The following GPC6 variants were observed in gnomAD, a reference collection of about 807,000 sequenced individuals.
GPC6 encodes glypican-6.
In GPC6, 14 loss-of-function variants were observed where a neutral mutation model predicts 55.2. The observed-to-expected ratio is 0.25, with a 90% confidence interval of 0.17 to 0.40. The LOEUF (loss-of-function observed/expected upper bound fraction) is 0.40, where lower values mean the gene tolerates loss of function less well. Among genes scored for constraint, GPC6 ranks in the 10% least tolerant of loss-of-function variants. The pLI, the probability that GPC6 is intolerant of heterozygous loss-of-function variation, is 1.00. For synonymous variants in GPC6, 278 were observed against 259.6 expected (o/e 1.07, Z -0.68); for missense variants, 641 against 708.5 (o/e 0.90, Z 1.08).
At chr13:94,058,600 G>T (rs1195322017) in intron 4 of GPC6, among the ~76,000 whole-genome samples, 1 of 152,132 alleles carries the variant, frequency 6.6e-6, no homozygotes, top group Non-Finnish European at 1.5e-5. Flanking sequence ...TAGCAAATAG[G>T]AATAAAACCA....
chr13:94,066,511 T>G (rs1288351415), intron 4 of GPC6, among the ~76,000 whole-genome samples: 2 of 152,192 alleles, frequency 1.3e-5, no homozygotes, highest in African/African-American at 4.8e-5. Flanking sequence ...TTGTATCATT[T>G]TGTACATCAA....
intron 2 of GPC6, among the ~76,000 whole-genome samples, chr13:93,578,643 GT>G (rs113534301): frequency 0.066 from 9,423 of 142,012 alleles, 917 homozygotes; most frequent in African/African-American, 0.21. Flanking sequence ...CATTTGTTTT[GT>G]TTTTTTTTTC....
Position 93,722,032 on chromosome 13 carries a change from A to G in GPC6, c.320-108122A>G, listed in dbSNP as rs779734276. 9.9e-5 allele frequency among the ~76,000 whole-genome samples: 15 copies of G among 151,922 alleles called. 1 individual carries two copies. The highest frequency in any genetic ancestry group is 6.8e-3 in the Middle Eastern group (2 of 294). On this transcript the variant is annotated intron_variant, in intron 2 of 8. Coordinates refer to ENST00000377047, the MANE Select transcript of GPC6 (RefSeq NM_005708.5). The stretch of plus-strand genomic sequence containing the variant: ...ATTATTCAGTGTCTTGGAATTTTTG[A>G]CAATATACAGCAGATAAATGATTTT...
intron 1 of GPC6, among the ~76,000 whole-genome samples, chr13:93,437,421 G>A (rs1877613500): frequency 6.6e-6 from 1 of 152,140 alleles, no homozygotes; most frequent in South Asian, 2.1e-4. Flanking sequence ...TGAATGCAAA[G>A]GAAAAGTTTT....
At chr13:93,586,514 A>G (rs1027389460) in intron 2 of GPC6, among the ~76,000 whole-genome samples, 3 of 152,186 alleles carry the variant, frequency 2.0e-5, no homozygotes, top group African/African-American at 7.2e-5. Flanking sequence ...GCAATAGAGA[A>G]AGTACTTCCT....
intron 1 of GPC6, among the ~76,000 whole-genome samples, chr13:93,457,331 C>A (rs1878492934): frequency 6.6e-6 from 1 of 152,168 alleles, no homozygotes; most frequent in Admixed American, 6.5e-5. Flanking sequence ...CAACTAATTA[C>A]ATTTGGAGTG....
At chr13:94,165,700 A>G (rs374777133) in intron 4 of GPC6, among the ~76,000 whole-genome samples, 6 of 152,186 alleles carry the variant, frequency 3.9e-5, no homozygotes, top group East Asian at 1.9e-4. Flanking sequence ...TAGGTATGCT[A>G]TAGTGCTACA....
At chr13:93,880,210 A>C (rs1261397565) in intron 3 of GPC6, among the ~76,000 whole-genome samples, 2 of 151,124 alleles carry the variant, frequency 1.3e-5, no homozygotes, top group Admixed American at 1.3e-4. Context: ...CCATCCCATT[A>C]CTGGGTATAT....
rs1265108296 is a variant in GPC6, at chr13:94,089,575, GC to G, written c.877+61682del. Reference sequence around the variant, plus strand: ...CTAAAGCACATCACAGCTTTCTTGAGCTTAGGAACACTACATAGCACTTTAC... The same window carrying G: ...CTAAAGCACATCACAGCTTTCTTGAGTTAGGAACACTACATAGCACTTTAC... On this transcript the variant is annotated intron_variant, in intron 4 of 8. Coordinates refer to ENST00000377047, the MANE Select transcript of GPC6 (RefSeq NM_005708.5). 9.2e-5 allele frequency among the ~76,000 whole-genome samples: 14 copies of G among 152,224 alleles called. No individual in the cohort carries two copies. The East Asian group carries it at 2.7e-3, about 30-fold the overall frequency.
chr13:94,152,090 G>C (rs910015832), intron 4 of GPC6, among the ~76,000 whole-genome samples: 8 of 152,268 alleles, frequency 5.3e-5, no homozygotes, highest in Middle Eastern at 3.4e-3. Context: ...AAGTCTGTCA[G>C]ATGAATTTGA....
intron 6 of GPC6, among the ~76,000 whole-genome samples, chr13:94,352,235 A>G (rs1878588851): frequency 6.6e-6 from 1 of 151,982 alleles, no homozygotes; most frequent in African/African-American, 2.4e-5. Flanking sequence ...GCAGTGTGGG[A>G]ACAGGGCTGG....
At chr13:93,442,339 G>A (rs562143763) in intron 1 of GPC6, among the ~76,000 whole-genome samples, 3 of 152,250 alleles carry the variant, frequency 2.0e-5, no homozygotes, top group East Asian at 3.9e-4. Context: ...CTGGTTTAAA[G>A]TGATGGGATC....
At chr13:93,789,612 T>TACTACATATATATATAATACTAC (rs1310596575) in intron 2 of GPC6, among the ~76,000 whole-genome samples, 1 of 19,124 alleles carries the variant, frequency 5.2e-5, no homozygotes, top group African/African-American at 1.8e-4. Context: ...TATATATATA[T>TACTACATATATATATAATACTAC]ATATATATAT....
intron 1 of GPC6, among the ~76,000 whole-genome samples, chr13:93,260,089 A>G (rs1877089184): frequency 6.6e-6 from 1 of 152,168 alleles, no homozygotes; most frequent in Admixed American, 6.5e-5. Flanking sequence ...AACATTTGCA[A>G]TGATTTTTTA....
chr13:94,156,273 A>G (rs1266246342), intron 4 of GPC6, among the ~76,000 whole-genome samples: 1 of 152,192 alleles, frequency 6.6e-6, no homozygotes, highest in Non-Finnish European at 1.5e-5. Flanking sequence ...AGTAGTCACA[A>G]TATAAAGATA....
intron 3 of GPC6, among the ~76,000 whole-genome samples, chr13:93,874,441 A>T (rs770763689): frequency 6.6e-6 from 1 of 151,528 alleles, no homozygotes; most frequent in South Asian, 2.1e-4. Flanking sequence ...TCTTTATGCA[A>T]TCTGCCACTG....
chr13:94,073,504 A>G (rs1490191252), intron 4 of GPC6, among the ~76,000 whole-genome samples: 1 of 152,198 alleles, frequency 6.6e-6, no homozygotes, highest in Non-Finnish European at 1.5e-5. Context: ...TAGGGGTAGT[A>G]CTGGACATAA....
At chr13:93,962,087 A>C (rs139032510) in intron 3 of GPC6, among the ~76,000 whole-genome samples, 19 of 152,286 alleles carry the variant, frequency 1.2e-4, no homozygotes, top group African/African-American at 4.3e-4. Flanking sequence ...CAAGTTCAGG[A>C]AAGTTAAGAT....
At chr13:93,272,516 A>ATATATATATATATATATATATATATG in intron 1 of GPC6, among the ~76,000 whole-genome samples, 1 of 140,182 alleles carries the variant, frequency 7.1e-6, no homozygotes, top group African/African-American at 2.7e-5. Context: ...ATATATATAT[A>ATATATATATATATATATATATATATG]TATAACTTAG....
Sources: allele counts gnomAD v4.1 joint callset (sites outside exome capture counted in the v4.1 genomes callset), GRCh38; gene constraint gnomAD v4.1.1; transcripts MANE v1.5; gene names NCBI Gene and HGNC (gene_info 2026-07-23, HGNC 2026-07-21).